Variants in EPHA5 observed in about 807,000 individuals in gnomAD.
EPHA5 encodes EPH receptor A5, also known as ephrin type-A receptor 5.
Under a neutral mutation model 105.0 loss-of-function variants are expected in EPHA5, and 60 were observed. The observed-to-expected ratio is 0.57, with a 90% CI of 0.46 to 0.71. EPHA5 has a LOEUF of 0.71. Among genes scored for constraint, EPHA5 ranks in the 30% least tolerant of loss-of-function variants. EPHA5 has a pLI of 0.00. For synonymous variants in EPHA5, 513 were observed against 449.1 expected, an observed-to-expected ratio of 1.14 and a Z score of -1.80; for missense variants, 1,218 against 1,274.7, an observed-to-expected ratio of 0.96 and a Z score of 0.68.
At chr4:65,571,727 G>C (rs1009474529) in intron 3 of EPHA5, among the ~76,000 whole-genome samples, 6 of 151,836 alleles carry the variant, frequency 4.0e-5, no homozygotes, top group Admixed American at 2.0e-4. Flanking sequence ...TTGTCACAAG[G>C]GGCTTGTTTT....
chr4:65,415,089 T>A (rs115586641), intron 6 of EPHA5, among the ~76,000 whole-genome samples: 4,002 of 152,262 alleles, frequency 0.026, 60 homozygotes, highest in Admixed American at 0.06. Flanking sequence ...AAAAAATTAC[T>A]GGAAAGATAG....
intron 2 of EPHA5, among the ~76,000 whole-genome samples, chr4:65,610,429 C>T (rs4292377): frequency 3.7e-4 from 56 of 152,188 alleles, no homozygotes; most frequent in African/African-American, 1.3e-3. Flanking sequence ...TGCTCACTAT[C>T]TGAGTGACTG....
intron 5 of EPHA5, among the ~76,000 whole-genome samples, chr4:65,481,196 T>TAAG (rs1304487398): frequency 6.6e-6 from 1 of 152,226 alleles, no homozygotes; most frequent in Non-Finnish European, 1.5e-5. Flanking sequence ...TCTCCAAGAT[T>TAAG]AAGTTCTTAG....
intron 5 of EPHA5, among the ~76,000 whole-genome samples, chr4:65,475,591 G>A (rs961552582): frequency 6.6e-6 from 1 of 152,010 alleles, no homozygotes; most frequent in East Asian, 1.9e-4. Flanking sequence ...CTCAGCATGA[G>A]GTTTTAAGAA....
intron 5 of EPHA5, among the ~76,000 whole-genome samples, chr4:65,453,494 T>C (rs1237664060): frequency 6.6e-6 from 1 of 151,990 alleles, no homozygotes; most frequent in East Asian, 1.9e-4. Context: ...CACCTGAAAT[T>C]GGTGATCAGC....
intron 6 of EPHA5, among the ~76,000 whole-genome samples, chr4:65,415,021 AT>A (rs1394078521): frequency 6.6e-6 from 1 of 152,176 alleles, no homozygotes; most frequent in African/African-American, 2.4e-5. Context: ...AAACGTTTTT[AT>A]TTATCTTTGA....
intron 7 of EPHA5, among the ~76,000 whole-genome samples, chr4:65,410,049 T>C (rs1560507286): frequency 6.6e-6 from 1 of 152,184 alleles, no homozygotes. Context: ...TCCAGTGTTG[T>C]ACTTTTGGAA....
At chr4:65,520,585 C>T (rs139151335) in intron 3 of EPHA5, among the ~76,000 whole-genome samples, 6,799 of 152,156 alleles carry the variant, frequency 0.045, 215 homozygotes, top group Middle Eastern at 0.095. Flanking sequence ...TCAGAGTGAA[C>T]AGGCAACCTA....
intron 3 of EPHA5, among the ~76,000 whole-genome samples, chr4:65,576,246 C>A (rs1741041434): frequency 6.6e-6 from 1 of 151,964 alleles, no homozygotes; most frequent in Admixed American, 6.6e-5. Context: ...CAATTTTGTT[C>A]CAAACCTTTG....
intron 16 of EPHA5, 161 bp downstream of exon 16, chr4:65,331,812 A>G: frequency 7.6e-7 from 1 of 1,313,862 alleles, no homozygotes; most frequent in Non-Finnish European, 9.7e-7. Context: ...AGCATTAACC[A>G]TGCAGTTGTT....
At chr4:65,326,042 G>A (rs1356375140) in intron 16 of EPHA5, among the ~76,000 whole-genome samples, 30 of 146,698 alleles carry the variant, frequency 2.0e-4, no homozygotes, top group Admixed American at 1.9e-3. Context: ...ATATATATAT[G>A]TATATATATG....
Position 65,490,611 on chromosome 4 carries a change from A to G in EPHA5, c.1168T>C (p.Ser390Pro), listed in dbSNP as rs755793306. 4 of 1,614,108 alleles carry G rather than the reference A, an allele frequency of 2.5e-6. No individual in the cohort carries two copies. Among genetic ancestry groups the G allele is most frequent in the Non-Finnish European group, 3.4e-6 (4 of 1,180,006 alleles). Residue 390 changes from serine to proline, a missense_variant, in exon 5 of 17, where the codon TCA (serine) becomes CCA (proline). This residue lies in a region of EPHA5 where 971 missense variants were observed against 1,013.5 expected (regional missense o/e 0.96). Transcript: ENST00000613740. Reference protein sequence around the residue: ...PADTGGRKDVSYYIACKKCNS... With the variant: ...PADTGGRKDVPYYIACKKCNS... Reference sequence around the variant, plus strand: ...CACTTCTTGCATGCAATATAATATGACACGTCTTTCCTTCCACCAGTGTCA... The same window carrying G: ...CACTTCTTGCATGCAATATAATATGGCACGTCTTTCCTTCCACCAGTGTCA...
At chr4:65,502,321 T>C (rs956316443) in intron 3 of EPHA5, among the ~76,000 whole-genome samples, 1 of 151,250 alleles carries the variant, frequency 6.6e-6, no homozygotes, top group Admixed American at 6.6e-5. Context: ...ACAGACAACC[T>C]GCAGAATGAA....
chr4:65,595,535 C>A (rs1698708200), intron 3 of EPHA5, among the ~76,000 whole-genome samples: 1 of 151,776 alleles, frequency 6.6e-6, no homozygotes, highest in Admixed American at 6.6e-5. Context: ...ATTTTATAAC[C>A]TGTAGCTACC....
chr4:65,482,944 T>C (rs1001360471), intron 5 of EPHA5, among the ~76,000 whole-genome samples: 5 of 151,994 alleles, frequency 3.3e-5, no homozygotes, highest in African/African-American at 9.7e-5. Context: ...ATGTGCCATG[T>C]TGGTGTGCTG....
In EPHA5 at chr4:65,493,193, G is replaced by A. The variant is rs138569382; in HGVS notation, c.1066+2195C>T. Among the ~76,000 whole-genome samples, 453 of 152,020 alleles carry A rather than the reference G, an allele frequency of 3.0e-3. 2 individuals are homozygous for A. The highest frequency in any genetic ancestry group is 4.5e-3 in the Non-Finnish European group (308 of 67,958). The stretch of plus-strand genomic sequence containing the variant: ...AAATAGAGGTAAAAAGTGGAAGCTC[G>A]AACTAACACGCACCTACAAAAAACA... On this transcript the variant is annotated intron_variant, in intron 4 of 16. Transcript: ENST00000613740.
chr4:65,330,896 T>A, intron 16 of EPHA5: 2 of 1,037,484 alleles, frequency 1.9e-6, no homozygotes, highest in Non-Finnish European at 2.3e-6. Context: ...TCAGGTCCTT[T>A]TAGTTATCGG....
intron 3 of EPHA5, among the ~76,000 whole-genome samples, chr4:65,593,301 C>T (rs537180074): frequency 2.2e-4 from 33 of 152,162 alleles, no homozygotes; most frequent in Non-Finnish European, 3.7e-4. Context: ...GCTCTAAAAA[C>T]ATTGATACTG....
chr4:65,460,850 T>C (rs1449608732), intron 5 of EPHA5, among the ~76,000 whole-genome samples: 1 of 151,798 alleles, frequency 6.6e-6, no homozygotes, highest in Non-Finnish European at 1.5e-5. Context: ...GATAGAGAAT[T>C]ATTTTATACC....
Sources: allele counts gnomAD v4.1 joint callset (sites outside exome capture counted in the v4.1 genomes callset), GRCh38; gene constraint gnomAD v4.1.1; regional missense constraint gnomAD v4.1.1; transcripts MANE v1.5; gene names NCBI Gene and HGNC (gene_info 2026-07-23, HGNC 2026-07-21).